GRIN2A: variants seen among roughly 807,000 people sequenced by gnomAD.
GRIN2A encodes glutamate ionotropic receptor NMDA type subunit 2A, also known as glutamate receptor ionotropic, NMDA 2A.
Under a neutral mutation model 113.4 loss-of-function variants are expected in GRIN2A, and 22 were observed. That is an observed-to-expected ratio of 0.19 (90% CI 0.14 to 0.28). The LOEUF (loss-of-function observed/expected upper bound fraction) is 0.28. Ranked by LOEUF, GRIN2A falls within the 10% of genes least tolerant of loss-of-function variation. The pLI, the probability that GRIN2A is intolerant of heterozygous loss-of-function variation, is 1.00. For missense variants in GRIN2A, 1,502 were observed against 1,887.0 expected (o/e 0.80, Z 3.78); for synonymous variants, 827 against 738.4 (o/e 1.12, Z -1.94).
intron 3 of GRIN2A, among the ~76,000 whole-genome samples, chr16:9,932,352 T>G (rs972043660): frequency 5.9e-5 from 9 of 152,308 alleles, no homozygotes; most frequent in Non-Finnish European, 1.2e-4. Flanking sequence ...CTTACTTCAC[T>G]CATAACTTTA....
chr16:9,836,046 G>T (rs948205854), intron 7 of GRIN2A, among the ~76,000 whole-genome samples: 2 of 152,128 alleles, frequency 1.3e-5, no homozygotes, highest in African/African-American at 4.8e-5. Context: ...TGAAATAATA[G>T]CAATTTAATA....
chr16:9,862,982 C>T (rs937421769), intron 4 of GRIN2A, among the ~76,000 whole-genome samples: 4 of 151,962 alleles, frequency 2.6e-5, no homozygotes, highest in African/African-American at 7.3e-5. Context: ...TCTATTTTAC[C>T]CTCACAATCC....
intron 11 of GRIN2A, among the ~76,000 whole-genome samples, chr16:9,784,365 G>C (rs918774331): frequency 1.3e-5 from 2 of 148,222 alleles, no homozygotes; most frequent in South Asian, 4.3e-4. Flanking sequence ...AGGAAGCAGA[G>C]GTTACAGTAA....
intron 2 of GRIN2A, among the ~76,000 whole-genome samples, chr16:9,983,742 ATGT>A (rs1596387330): frequency 6.6e-6 from 1 of 152,074 alleles, no homozygotes; most frequent in African/African-American, 2.4e-5. Context: ...CCCAGCCAAG[ATGT>A]TGTTATTTTA....
chr16:10,065,268 C>T (rs1759550444), intron 2 of GRIN2A, among the ~76,000 whole-genome samples: 1 of 152,214 alleles, frequency 6.6e-6, no homozygotes, highest in African/African-American at 2.4e-5. Flanking sequence ...CAGCCAAGAG[C>T]ATGCTGTGTG....
intron 4 of GRIN2A, among the ~76,000 whole-genome samples, chr16:9,850,334 C>T (rs2042861558): frequency 6.6e-6 from 1 of 152,164 alleles, no homozygotes. Context: ...TCCCACTGTA[C>T]CACTTACTAG....
intron 11 of GRIN2A, among the ~76,000 whole-genome samples, chr16:9,790,918 C>T (rs1364463843): frequency 2.0e-5 from 3 of 152,146 alleles, no homozygotes; most frequent in African/African-American, 2.4e-5. Context: ...CGTATGCCCT[C>T]GAGGAATCTA....
chr16:9,842,039 T>A (rs1351437266), intron 5 of GRIN2A, among the ~76,000 whole-genome samples: 3 of 151,968 alleles, frequency 2.0e-5, no homozygotes, highest in Non-Finnish European at 4.4e-5. Context: ...ACACCTGAGG[T>A]CAGGAGTTCA....
At chr16:9,809,369 G>T (rs1248174817) in intron 10 of GRIN2A, among the ~76,000 whole-genome samples, 1 of 152,114 alleles carries the variant, frequency 6.6e-6, no homozygotes, top group African/African-American at 2.4e-5. Flanking sequence ...GGCAGAGGTT[G>T]CAGTGAGCCA....
chr16:10,113,801 T>G (rs2048673169), intron 2 of GRIN2A, among the ~76,000 whole-genome samples: 1 of 152,212 alleles, frequency 6.6e-6, no homozygotes, highest in South Asian at 2.1e-4. Context: ...GTTTAATATG[T>G]GTGACAGCGT....
In GRIN2A at chr16:10,180,462, G is replaced by C. The variant is rs1424805625; in HGVS notation, c.-18-33C>G. On this transcript the variant is annotated intron_variant, in intron 1 of 12. Transcript: ENST00000330684. This position sits in a 1 kb window ranked among gnomAD's most constrained non-coding sequence, Gnocchi z 7.0. ...GTGAAGAGTGAGAGGCAGGGCCGCG[G>C]TGAGCAAGGCGACCAGAAGAAAGGG... 1.3e-6 allele frequency: 2 copies of C among 1,578,776 alleles called. No individual in the cohort carries two copies.
At chr16:9,992,440 T>C (rs1040320222) in intron 2 of GRIN2A, among the ~76,000 whole-genome samples, 2 of 152,174 alleles carry the variant, frequency 1.3e-5, no homozygotes, top group African/African-American at 4.8e-5. Flanking sequence ...AAACAGCAAA[T>C]TGTTTCTGCC....
intron 2 of GRIN2A, among the ~76,000 whole-genome samples, chr16:10,046,328 GT>G (rs36075422): frequency 0.52 from 76,458 of 145,682 alleles, 20,341 homozygotes; most frequent in East Asian, 0.94. Context: ...TTTTTAAATT[GT>G]TTTTTTTTTT....
intron 2 of GRIN2A, among the ~76,000 whole-genome samples, chr16:9,983,234 G>T (rs1030879322): frequency 6.6e-6 from 1 of 152,082 alleles, no homozygotes; most frequent in African/African-American, 2.4e-5. Flanking sequence ...GCGTAATTTT[G>T]TATCCTTTAA....
chr16:10,023,117 C>G (rs2046755905), intron 2 of GRIN2A, among the ~76,000 whole-genome samples: 1 of 152,152 alleles, frequency 6.6e-6, no homozygotes, highest in Non-Finnish European at 1.5e-5. Flanking sequence ...AGAAATTAAC[C>G]ACCTGGTATT....
intron 2 of GRIN2A, among the ~76,000 whole-genome samples, chr16:10,022,893 C>A (rs534722104): frequency 6.6e-6 from 1 of 152,116 alleles, no homozygotes; most frequent in East Asian, 1.9e-4. Flanking sequence ...AGAACGGCAC[C>A]ACTAGAAAGT....
intron 2 of GRIN2A, among the ~76,000 whole-genome samples, chr16:10,078,892 T>G (rs1046288388): frequency 2.6e-5 from 4 of 152,236 alleles, no homozygotes; most frequent in African/African-American, 9.6e-5. Context: ...TCACCGTCTC[T>G]GCATTGCAAT....
At chr16:9,929,499 C>T (rs866793964) in intron 3 of GRIN2A, among the ~76,000 whole-genome samples, 2 of 152,160 alleles carry the variant, frequency 1.3e-5, no homozygotes, top group Non-Finnish European at 2.9e-5. Flanking sequence ...ATTAAGCCTG[C>T]CCACTTCTCT....
rs897090520 is a variant in GRIN2A at position 9,913,268 on chromosome 16, T to C, written c.1008-22168A>G. Among the ~76,000 whole-genome samples the C allele has an allele frequency of 5.3e-5, 8 of 152,234 alleles. No individual in the cohort carries two copies. In the South Asian group the frequency reaches 8.3e-4, roughly 16 times the overall value. Reference sequence around the variant, plus strand: ...TGGGTCACTCCTTATGAGTCTCCTCTAGGGAAACATTTCTCATAAGACACA... The same window carrying C: ...TGGGTCACTCCTTATGAGTCTCCTCCAGGGAAACATTTCTCATAAGACACA... On this transcript the variant is annotated intron_variant, in intron 3 of 12. Transcript: ENST00000330684.
Sources: allele counts gnomAD v4.1 joint callset (sites outside exome capture counted in the v4.1 genomes callset), GRCh38; gene constraint gnomAD v4.1.1; non-coding constraint Gnocchi (gnomAD v3.1); transcripts MANE v1.5; gene names NCBI Gene and HGNC (gene_info 2026-07-23, HGNC 2026-07-21).